The following UNC13A variants were observed in gnomAD, a reference collection of about 807,000 sequenced individuals.
UNC13A encodes protein unc-13 homolog A.
Under a neutral mutation model 219.7 loss-of-function variants are expected in UNC13A, and 61 were observed. The observed-to-expected ratio is 0.28, with a 90% CI of 0.23 to 0.34. The LOEUF is 0.34. UNC13A is among the 10% of genes least tolerant of loss of function. UNC13A has a pLI of 1.00. For missense variants in UNC13A, 1,476 were observed against 2,270.3 expected, an observed-to-expected ratio of 0.65 and a Z score of 7.11; for synonymous variants, 920 against 884.6, an observed-to-expected ratio of 1.04 and a Z score of -0.71.
At chr19:17,609,813 C>T in intron 43 of UNC13A, 127 bp downstream of exon 43, 1 of 1,354,076 alleles carries the variant, frequency 7.4e-7, no homozygotes, top group Non-Finnish European at 1.0e-6. Flanking sequence ...AGCACCCCCA[C>T]CTAGAATGTG....
chr19:17,686,298 G>GCCCCCCCC lies in UNC13A; in HGVS notation c.22+1872_22+1879dup, dbSNP rs533722538. ...CGTCAGAGTTAAGGGTGAGATCCCC[G>GCCCCCCCC]CCCCCCCCCCCCCCCCCCCACTCCA... is the stretch of plus-strand genomic sequence containing the variant. On this transcript the variant is annotated intron_variant, in intron 1 of 43. Coordinates refer to ENST00000519716, the MANE Select transcript of UNC13A (RefSeq NM_001080421.3). Among the ~76,000 whole-genome samples the GCCCCCCCC allele has an allele frequency of 3.3e-3, 267 of 81,718 alleles. 43 individuals are homozygous for GCCCCCCCC. The highest frequency in any genetic ancestry group is 0.012 in the Middle Eastern group (2 of 162). The allele number at this position is 81,718 out of a possible 152,430, so 53.6% of individuals were successfully genotyped here. A position where few individuals can be genotyped will look rare whatever the true frequency, so the allele number is the denominator to read the frequency against.
chr19:17,613,166 A>G (rs750686536), intron 41 of UNC13A, among the ~76,000 whole-genome samples: 4 of 152,054 alleles, frequency 2.6e-5, no homozygotes, highest in Non-Finnish European at 4.4e-5. Flanking sequence ...TGGGAGGCAG[A>G]GGTTGCAGTG....
chr19:17,674,841 C>T lies in UNC13A; in HGVS notation c.53-85G>A. 8.2e-7 allele frequency: 1 copy of T among 1,213,604 alleles called. No homozygotes were observed. Among genetic ancestry groups the T allele is most frequent in the Non-Finnish European group, 1.2e-6 (1 of 828,460 alleles). 75.2% of individuals were successfully genotyped at this position (1,213,604 alleles called of 1,614,324 possible). The stretch of plus-strand genomic sequence containing the variant: ...CAAGCTCTAGACCATCTGCTGTGAT[C>T]CCCTCAGGAATTTCTGGGCCACTCA... On this transcript the variant is annotated intron_variant, in intron 2 of 43. Coordinates refer to ENST00000519716, the MANE Select transcript of UNC13A (RefSeq NM_001080421.3). This position sits in a 1 kb window ranked among gnomAD's most constrained non-coding sequence, Gnocchi z 5.0.
Position 17,609,839 on chromosome 19 carries a change from G to A in UNC13A, c.4811+101C>T, listed in dbSNP as rs566220697. The stretch of plus-strand genomic sequence containing the variant: ...CTAGAATGTGGCCCCTCCCATTCCC[G>A]GGCCCAGATTCCAGATACCTCCTGC... On this transcript the variant is annotated intron_variant, in intron 43 of 43. Coordinates refer to ENST00000519716, the MANE Select transcript of UNC13A (RefSeq NM_001080421.3). 14 of 1,531,402 alleles carry A rather than the reference G, an allele frequency of 9.1e-6. No individual in the cohort carries two copies. The East Asian group carries it at 1.6e-4, about 17-fold the overall frequency. The allele number at this position is 1,531,402 out of a possible 1,614,324, so 94.9% of individuals were successfully genotyped here.
intron 1 of UNC13A, among the ~76,000 whole-genome samples, chr19:17,681,290 TC>T (rs1703831001): frequency 6.6e-6 from 1 of 151,756 alleles, no homozygotes; most frequent in Non-Finnish European, 1.5e-5. Flanking sequence ...GAGGTGGAGA[TC>T]CAGCCGTCTA....
chr19:17,608,610 C>T (rs1249240351), intron 43 of UNC13A, among the ~76,000 whole-genome samples: 3 of 149,352 alleles, frequency 2.0e-5, no homozygotes, highest in South Asian at 2.1e-4. Context: ...CTCTGCCTCC[C>T]GGGTTCACGC....
At chr19:17,645,394 T>G (rs1001132983) in intron 19 of UNC13A, among the ~76,000 whole-genome samples, 6 of 152,094 alleles carry the variant, frequency 3.9e-5, no homozygotes, top group African/African-American at 1.4e-4. Context: ...GATTCCCAGT[T>G]CTTGCTTCTT....
chr19:17,678,759 G>A (rs1189955087), intron 1 of UNC13A, among the ~76,000 whole-genome samples: 3 of 151,904 alleles, frequency 2.0e-5, no homozygotes, highest in African/African-American at 7.3e-5. Flanking sequence ...GGGACTCTCT[G>A]TGAAGGGGGT....
rs532158542 is a variant in UNC13A, at chr19:17,673,520, C to T, written c.153-1025G>A. ...CCAGCCTGGCCAACATGGTGAAACC[C>T]GGTCTTTACTAAATACACAAAAATT... On this transcript the variant is annotated intron_variant, in intron 3 of 43. Transcript: ENST00000519716. Among the ~76,000 whole-genome samples, 81 of 151,202 alleles carry T rather than the reference C, an allele frequency of 5.4e-4. 1 individual carries two copies. The South Asian group carries it at 6.7e-3, about 13-fold the overall frequency.
chr19:17,648,885 C>T, intron 15 of UNC13A, 27 bp downstream of exon 15: 15 of 1,570,818 alleles, frequency 9.5e-6, no homozygotes, highest in Non-Finnish European at 1.3e-5. Context: ...CATCCCTGAC[C>T]CGGGGAAAAA....
rs959739434 is a variant in UNC13A at position 17,605,947 on chromosome 19, GC to G, written c.*106del. 12 of 1,063,348 alleles carry G rather than the reference GC, an allele frequency of 1.1e-5. No homozygotes were observed. Among genetic ancestry groups the G allele is most frequent in the Non-Finnish European group, 1.5e-5 (12 of 800,858 alleles). The allele number at this position is 1,063,348 out of a possible 1,614,324, so 65.9% of individuals were successfully genotyped here. On this transcript the variant is annotated 3_prime_UTR_variant, in exon 44 of 44. Transcript: ENST00000519716. ...AGGCGCAGCCCACCCTTGGCGTGGA[GC>G]CCCCCGAGCCCCGCCCCTGGGGAGG...
intron 11 of UNC13A, among the ~76,000 whole-genome samples, chr19:17,654,643 CT>C: frequency 6.6e-6 from 1 of 152,318 alleles, no homozygotes; most frequent in South Asian, 2.1e-4. Flanking sequence ...CAGCTTGCCC[CT>C]GATGCTGATT....
intron 28 of UNC13A, among the ~76,000 whole-genome samples, chr19:17,632,472 C>A (rs1373200707): frequency 6.6e-6 from 1 of 152,222 alleles, no homozygotes; most frequent in Non-Finnish European, 1.5e-5. Context: ...CCATGCCTGG[C>A]CATTTGGCAT....
intron 26 of UNC13A, among the ~76,000 whole-genome samples, chr19:17,635,073 G>T (rs2076899216): frequency 6.6e-6 from 1 of 152,046 alleles, no homozygotes; most frequent in South Asian, 2.1e-4. Context: ...GTTTCACCAT[G>T]TTAGCCAGGA....
intron 6 of UNC13A, among the ~76,000 whole-genome samples, chr19:17,667,456 TTTTTA>T (rs2079678030): frequency 1.3e-5 from 2 of 151,920 alleles, no homozygotes; most frequent in Non-Finnish European, 2.9e-5. Flanking sequence ...AAAGTAAAAT[TTTTTA>T]TTTTATTATT....
intron 1 of UNC13A, among the ~76,000 whole-genome samples, chr19:17,677,859 T>A (rs927679555): frequency 6.6e-6 from 1 of 152,232 alleles, no homozygotes; most frequent in Admixed American, 6.5e-5. Context: ...CTTGTTCCAC[T>A]GGAGATGGTC....
chr19:17,616,909 T>C (rs976520528), intron 41 of UNC13A, among the ~76,000 whole-genome samples: 4 of 150,836 alleles, frequency 2.7e-5, no homozygotes, highest in Non-Finnish European at 5.9e-5. Context: ...AAAGGGGGGG[T>C]CCCCAGGGAA....
chr19:17,682,652 G>GGGACTGA (rs1478028216), intron 1 of UNC13A, among the ~76,000 whole-genome samples: 3 of 152,188 alleles, frequency 2.0e-5, no homozygotes, highest in African/African-American at 7.2e-5. Flanking sequence ...GAGGGTATCA[G>GGGACTGA]GGACTGAGTA....
At position 17,657,587 on chromosome 19, in the gene UNC13A, T is replaced by C. The variant is rs528355390; in HGVS notation, c.767+475A>G. ...CGAACCTTATCATTTCCCGATTAGA[T>C]ACCTCCTCCAATCTTAGCGCCTGAG... On this transcript the variant is annotated intron_variant, in intron 9 of 43. Coordinates refer to ENST00000519716, the MANE Select transcript of UNC13A (RefSeq NM_001080421.3). Among the ~76,000 whole-genome samples, 5 of 152,260 alleles carry C rather than the reference T, an allele frequency of 3.3e-5. No homozygotes were observed. The East Asian group carries it at 9.7e-4, about 29-fold the overall frequency.
Sources: gnomAD v4.1 joint callset for allele counts (sites outside exome capture counted in the v4.1 genomes callset) on GRCh38, gnomAD v4.1.1 for gene constraint, Gnocchi (gnomAD v3.1) non-coding constraint, MANE v1.5 for transcripts, NCBI Gene and HGNC (gene_info 2026-07-23, HGNC 2026-07-21) for gene names.